The following GRM7 variants were observed in gnomAD, a reference collection of about 807,000 sequenced individuals.
GRM7 encodes metabotropic glutamate receptor 7.
In GRM7, 35 loss-of-function variants were observed where a neutral mutation model predicts 84.5. The observed-to-expected ratio is 0.41, with a 90% CI of 0.32 to 0.55. The LOEUF is 0.55. GRM7 is among the 20% of genes least tolerant of loss of function. The pLI, the probability that GRM7 is intolerant of heterozygous loss-of-function variation, is 0.19. For synonymous variants in GRM7, 487 were observed against 455.1 expected, an observed-to-expected ratio of 1.07 and a Z score of -0.89; for missense variants, 1,003 against 1,194.6, an observed-to-expected ratio of 0.84 and a Z score of 2.36.
Position 7,066,684 on chromosome 3 carries a change from C to T in GRM7, c.520-79768C>T, listed in dbSNP as rs930759815. Among the ~76,000 whole-genome samples, 12 of 151,998 alleles carry T rather than the reference C, an allele frequency of 7.9e-5. 1 individual carries two copies. The highest frequency in any genetic ancestry group is 3.9e-4 in the Admixed American group (6 of 15,232). ...CCTAATTCAGCTATGAAGCCAGCAT[C>T]ATCCTAATACCAAAAACCAGGAAAG... On this transcript the variant is annotated intron_variant, in intron 1 of 9. Coordinates refer to ENST00000357716, the MANE Select transcript of GRM7 (RefSeq NM_000844.4).
chr3:7,506,543 T>C (rs900538070), intron 7 of GRM7, among the ~76,000 whole-genome samples: 1 of 152,220 alleles, frequency 6.6e-6, no homozygotes, highest in African/African-American at 2.4e-5. Context: ...TTAATTTGTT[T>C]TCTGTTGCTA....
At chr3:7,206,433 G>C (rs1206627426) in intron 2 of GRM7, among the ~76,000 whole-genome samples, 1 of 151,906 alleles carries the variant, frequency 6.6e-6, no homozygotes, top group Non-Finnish European at 1.5e-5. Context: ...TTCCTTTTTT[G>C]GAGATACTGA....
intron 5 of GRM7, among the ~76,000 whole-genome samples, chr3:7,440,215 G>A (rs1697231199): frequency 6.6e-6 from 1 of 152,126 alleles, no homozygotes; most frequent in Non-Finnish European, 1.5e-5. Context: ...CTTGAGCCTA[G>A]GAAAATGCAG....
chr3:7,309,416 C>G (rs772562468), intron 4 of GRM7, among the ~76,000 whole-genome samples: 2 of 152,022 alleles, frequency 1.3e-5, no homozygotes, highest in South Asian at 2.1e-4. Context: ...TATCTTTTTC[C>G]TGTTTTGCAG....
At chr3:7,165,661 C>A (rs534028605) in intron 2 of GRM7, among the ~76,000 whole-genome samples, 1 of 152,284 alleles carries the variant, frequency 6.6e-6, no homozygotes, top group African/African-American at 2.4e-5. Flanking sequence ...TAAATACTTA[C>A]TATCATGACA....
At chr3:7,215,505 A>T (rs1368088829) in intron 2 of GRM7, among the ~76,000 whole-genome samples, 1 of 151,998 alleles carries the variant, frequency 6.6e-6, no homozygotes, top group Admixed American at 6.6e-5. Flanking sequence ...TCTACTAAAA[A>T]TACAAAAAAA....
chr3:7,677,261 TTAAAAAAAA>T lies in GRM7; in HGVS notation c.2452-2787_2452-2779del, dbSNP rs367966818. ...TGGGCAATAGAGGGAGACTCTGTCT[TTAAAAAAAA>T]AAAAAAAAAAAAAAAAAAAAAAAAC... On this transcript the variant is annotated intron_variant, in intron 8 of 9. Transcript: ENST00000357716. Among the ~76,000 whole-genome samples the T allele has an allele frequency of 1.9e-3, 196 of 103,354 alleles. 2 individuals carry two copies. Among genetic ancestry groups the T allele is most frequent in the Middle Eastern group, 4.3e-3 (1 of 232 alleles). 67.8% of individuals were successfully genotyped at this position (103,354 alleles called of 152,430 possible). A position where few individuals can be genotyped will look rare whatever the true frequency, so the allele number is the denominator to read the frequency against.
At chr3:7,728,623 C>T (rs567868619) in intron 9 of GRM7, among the ~76,000 whole-genome samples, 5 of 152,258 alleles carry the variant, frequency 3.3e-5, no homozygotes, top group Admixed American at 6.5e-5. Flanking sequence ...TCTTGACTTA[C>T]CCCAGGTTTC....
intron 7 of GRM7, among the ~76,000 whole-genome samples, chr3:7,555,798 G>T (rs886530606): frequency 6.6e-6 from 1 of 152,102 alleles, no homozygotes; most frequent in Non-Finnish European, 1.5e-5. Context: ...GCTTGCATGT[G>T]CAGTAGTCCC....
At chr3:7,091,335 G>T (rs1280997775) in intron 1 of GRM7, among the ~76,000 whole-genome samples, 3 of 152,140 alleles carry the variant, frequency 2.0e-5, no homozygotes, top group Non-Finnish European at 4.4e-5. Flanking sequence ...GTGACTTAAA[G>T]TGATGCCACA....
intron 8 of GRM7, among the ~76,000 whole-genome samples, chr3:7,645,359 C>T (rs3792442): frequency 0.011 from 1,633 of 151,662 alleles, 16 homozygotes; most frequent in East Asian, 0.037. Context: ...CCATCCTGGC[C>T]AACATGGTGA....
chr3:7,647,478 G>A (rs781664107), intron 8 of GRM7, among the ~76,000 whole-genome samples: 8 of 152,206 alleles, frequency 5.3e-5, no homozygotes, highest in Non-Finnish European at 1.2e-4. Flanking sequence ...CACCCAAAGA[G>A]GCTAAGGTCA....
chr3:7,013,565 T>A (rs2124899030), intron 1 of GRM7, among the ~76,000 whole-genome samples: 1 of 152,316 alleles, frequency 6.6e-6, no homozygotes, highest in Non-Finnish European at 1.5e-5. Context: ...TATAATTTTC[T>A]TTAAGTACAT....
intron 8 of GRM7, among the ~76,000 whole-genome samples, chr3:7,666,649 C>T (rs1699713824): frequency 1.3e-5 from 2 of 152,076 alleles, no homozygotes; most frequent in Non-Finnish European, 2.9e-5. Flanking sequence ...GGTCTTTGTG[C>T]TTTAGGTGTT....
intron 1 of GRM7, among the ~76,000 whole-genome samples, chr3:6,946,809 A>G (rs538359814): frequency 6.6e-6 from 1 of 152,228 alleles, no homozygotes; most frequent in Admixed American, 6.5e-5. Context: ...ATTCTCTTTG[A>G]AGCAATTGTG....
intron 5 of GRM7, among the ~76,000 whole-genome samples, chr3:7,439,494 C>A (rs894850136): frequency 5.3e-5 from 8 of 152,190 alleles, no homozygotes; most frequent in African/African-American, 1.9e-4. Context: ...CCTGCCCATG[C>A]TGCTTCTGTC....
intron 2 of GRM7, among the ~76,000 whole-genome samples, chr3:7,225,135 C>T (rs1696940841): frequency 6.6e-6 from 1 of 151,898 alleles, no homozygotes; most frequent in Non-Finnish European, 1.5e-5. Context: ...ATATGTCTTA[C>T]TTTTAATATC....
chr3:7,441,308 G>A (rs748751702), intron 5 of GRM7, among the ~76,000 whole-genome samples: 22 of 151,910 alleles, frequency 1.4e-4, no homozygotes, highest in Non-Finnish European at 2.8e-4. Flanking sequence ...GTGTCTGTTC[G>A]TGTCCTTTGC....
chr3:7,715,384 G>T lies in GRM7; in HGVS notation c.2699-24973G>T, dbSNP rs957297081. Among the ~76,000 whole-genome samples, 5 of 152,214 alleles carry T rather than the reference G, an allele frequency of 3.3e-5. No individual in the cohort carries two copies. In the South Asian group the frequency reaches 1.0e-3, roughly 32 times the overall value. On this transcript the variant is annotated intron_variant, in intron 9 of 9. Transcript: ENST00000357716. ...ACTACTTAGGAGGCTGAGGCAAAAG[G>T]ATCACTTGAACCCAGGAGTTCAAGG...
Sources: gnomAD v4.1 joint callset for allele counts (sites outside exome capture counted in the v4.1 genomes callset) on GRCh38, gnomAD v4.1.1 for gene constraint, MANE v1.5 for transcripts, NCBI Gene and HGNC (gene_info 2026-07-23, HGNC 2026-07-21) for gene names.